NR4A1: variants seen among roughly 807,000 people sequenced by gnomAD.
The protein encoded by NR4A1 is nuclear receptor subfamily 4immunitygroup A member 1.
Under a neutral mutation model 47.5 loss-of-function variants are expected in NR4A1, and 24 were observed. That is an observed-to-expected ratio of 0.50 (90% confidence interval 0.37 to 0.71). The LOEUF is 0.71. NR4A1 is among the 30% of genes least tolerant of loss of function. The probability of loss-of-function intolerance (pLI) is 0.00; values close to 1 mark genes in which losing one functional copy is unlikely to be tolerated. For synonymous variants in NR4A1, 353 were observed against 345.7 expected, an observed-to-expected ratio of 1.02 and a Z score of -0.24; for missense variants, 669 against 788.6, an observed-to-expected ratio of 0.85 and a Z score of 1.82.
At chr12:52,026,315 T>C (rs1457714325) in intron 1 of NR4A1, among the ~76,000 whole-genome samples, 3 of 152,190 alleles carry the variant, frequency 2.0e-5, no homozygotes. Flanking sequence ...ATTGCAAGGC[T>C]AAATGAAGGT....
chr12:52,031,834 C>T (rs113611302), intron 1 of NR4A1, among the ~76,000 whole-genome samples: 5 of 144,702 alleles, frequency 3.5e-5, no homozygotes, highest in African/African-American at 1.3e-4. Flanking sequence ...GGCTGGAGCG[C>T]AGTGACGCAA....
intron 2 of NR4A1, among the ~76,000 whole-genome samples, chr12:52,044,529 G>A (rs1674528808): frequency 6.6e-6 from 1 of 152,226 alleles, no homozygotes; most frequent in Admixed American, 6.5e-5. Context: ...GGAGGCTCCT[G>A]TGCTCTCCTT....
intron 4 of NR4A1, 189 bp from the exon 5 acceptor site, chr12:52,056,868 G>GA: frequency 1.2e-6 from 1 of 802,152 alleles, no homozygotes; most frequent in Admixed American, 2.9e-5. Context: ...TGGCCAATTA[G>GA]AAAAATATGT....
chr12:52,043,695 G>A (rs1592289621), intron 2 of NR4A1: 1 of 1,245,502 alleles, frequency 8.0e-7, no homozygotes. Flanking sequence ...TATAAACAGA[G>A]GAGGACACGC....
upstream of NR4A1, among the ~76,000 whole-genome samples, chr12:52,047,339 C>G (rs1938688572): frequency 6.6e-6 from 1 of 152,220 alleles, no homozygotes; most frequent in Non-Finnish European, 1.5e-5. Context: ...GGACCCCACT[C>G]TCTCAGAGGC....
intron 2 of NR4A1, 34 bp downstream of exon 2, chr12:52,055,238 G>T: frequency 6.2e-7 from 1 of 1,605,056 alleles, no homozygotes; most frequent in Non-Finnish European, 8.5e-7. Flanking sequence ...CCTTTTGTTG[G>T]AAATGGAGAG....
At chr12:52,024,427 G>A (rs1937961157) in intron 1 of NR4A1, among the ~76,000 whole-genome samples, 1 of 151,930 alleles carries the variant, frequency 6.6e-6, no homozygotes, top group South Asian at 2.1e-4. Context: ...GCCCAGATTC[G>A]GCCAGAGGGG....
chr12:52,045,332 C>G, intron 2 of NR4A1: 1 of 277,838 alleles, frequency 3.6e-6, no homozygotes, highest in Non-Finnish European at 7.4e-6. Flanking sequence ...CCGTTGCAGA[C>G]ATGAGTTCCA....
chr12:52,055,844 G>C, intron 2 of NR4A1, 186 bp from the exon 3 acceptor site: 2 of 479,524 alleles, frequency 4.2e-6, no homozygotes, highest in Admixed American at 7.6e-5. Context: ...ATGTCTTCAA[G>C]ACTTTTCTCT....
Position 52,055,103 on chromosome 12 carries a change from G to A in NR4A1, c.775G>A (p.Ala259Thr), listed in dbSNP as rs1259907889. The change falls in exon 2 of 7, where the codon GCC (alanine) becomes ACC (threonine). Residue 259 changes from alanine (A) to threonine (T), a missense_variant. Coordinates refer to ENST00000394825, the MANE Select transcript of NR4A1 (RefSeq NM_173157.3). ...PVTSTKARSGAPGGSEGRCAV... is the reference protein window; with the variant it reads ...PVTSTKARSGTPGGSEGRCAV... ...GACCTCAACCAAGGCCCGGAGCGGG[G>A]CCCCAGGTGGAAGTGAAGGCCGCTG... 1 of 1,614,102 alleles carries A rather than the reference G, an allele frequency of 6.2e-7. No individual in the cohort carries two copies. The highest frequency in any genetic ancestry group is 1.3e-5 in the African/African-American group (1 of 74,948).
At chr12:52,045,145 C>A (rs1938583520) in intron 2 of NR4A1, among the ~76,000 whole-genome samples, 2 of 152,332 alleles carry the variant, frequency 1.3e-5, no homozygotes, top group South Asian at 4.1e-4. Flanking sequence ...GGCACACTCT[C>A]TTTTCCTCTC....
chr12:52,049,989 G>C (rs1379838352), upstream of NR4A1, among the ~76,000 whole-genome samples: 1 of 152,218 alleles, frequency 6.6e-6, no homozygotes, highest in Non-Finnish European at 1.5e-5. Context: ...CTGGGTGGGT[G>C]GGTGCAGGCT....
At chr12:52,058,612 T>G in intron 6 of NR4A1, 76 bp from the exon 7 acceptor site, 2 of 1,455,124 alleles carry the variant, frequency 1.4e-6, no homozygotes, top group South Asian at 2.9e-5. Context: ...GGCAGCAGTT[T>G]TAGGGGCCTG....
chr12:52,034,342 T>C (rs1305802750), intron 1 of NR4A1, among the ~76,000 whole-genome samples: 2 of 152,218 alleles, frequency 1.3e-5, no homozygotes, highest in Non-Finnish European at 2.9e-5. Context: ...TATTCTTGTG[T>C]CCTGCCTCCC....
At chr12:52,043,785 C>T (rs1592289816) in intron 2 of NR4A1, 2 of 1,287,540 alleles carry the variant, frequency 1.6e-6, no homozygotes, top group South Asian at 1.2e-5. Flanking sequence ...GGCTGGGCAG[C>T]ACGTCTCTCC....
At chr12:52,048,395 C>T (rs1027331646), upstream of NR4A1, among the ~76,000 whole-genome samples, 16 of 151,904 alleles carry the variant, frequency 1.1e-4, no homozygotes, top group African/African-American at 3.6e-4. Context: ...GAGATCAAGA[C>T]CATCCTGGCT....
intron 2 of NR4A1, 57 bp from the exon 3 acceptor site, chr12:52,055,973 T>A (rs951292507): frequency 2.6e-6 from 1 of 382,162 alleles, no homozygotes; most frequent in Non-Finnish European, 4.6e-6. Flanking sequence ...CTCCCCTAAG[T>A]TCCCCCCTCC....
chr12:52,039,201 C>G (rs1565642191), intron 1 of NR4A1, among the ~76,000 whole-genome samples: 1 of 152,228 alleles, frequency 6.6e-6, no homozygotes, highest in South Asian at 2.1e-4. Context: ...CTTAATGTAT[C>G]TGGCACATGT....
upstream of NR4A1, among the ~76,000 whole-genome samples, chr12:52,046,533 C>G (rs143874322): frequency 6.6e-6 from 1 of 152,192 alleles, no homozygotes; most frequent in Admixed American, 6.5e-5. Context: ...GCTAATCATA[C>G]TTGTGCTCTA....
Sources: allele counts gnomAD v4.1 joint callset (sites outside exome capture counted in the v4.1 genomes callset), GRCh38; gene constraint gnomAD v4.1.1; transcripts MANE v1.5; gene names NCBI Gene and HGNC (gene_info 2026-07-23, HGNC 2026-07-21).